Variants in SLC26A7 observed in about 807,000 individuals in gnomAD.
SLC26A7 encodes anion exchange transporter.
A neutral mutation model predicts 82.5 loss-of-function variants in SLC26A7; 59 were observed. The ratio of observed to expected loss-of-function variants is 0.72; its 90% CI spans 0.58 to 0.89. The LOEUF (loss-of-function observed/expected upper bound fraction) is 0.89. SLC26A7 is among the 40% of genes least tolerant of loss of function. The pLI, the probability that SLC26A7 is intolerant of heterozygous loss-of-function variation, is 0.00. For missense variants in SLC26A7, 820 were observed against 793.0 expected (o/e 1.03, Z -0.41); for synonymous variants, 271 against 274.3 (o/e 0.99, Z 0.12).
chr8:91,299,370 T>A (rs1812100183), intron 4 of SLC26A7, among the ~76,000 whole-genome samples: 1 of 152,044 alleles, frequency 6.6e-6, no homozygotes. Flanking sequence ...TTTTCAACAC[T>A]GAGTTTATGG....
intron 2 of SLC26A7, among the ~76,000 whole-genome samples, chr8:91,237,046 A>T (rs565455059): frequency 6.6e-6 from 1 of 152,340 alleles, no homozygotes; most frequent in South Asian, 2.1e-4. Flanking sequence ...ACCCAATTTG[A>T]CTGTTACTAC....
chr8:91,394,219 C>T, intron 18 of SLC26A7, 180 bp downstream of exon 18: 1 of 1,613,174 alleles, frequency 6.2e-7, no homozygotes, highest in South Asian at 1.1e-5. Flanking sequence ...TTTTTTTAGG[C>T]CAGTTATAAA....
intron 6 of SLC26A7, 30 bp from the exon 7 acceptor site, chr8:91,338,120 T>G (rs765082592): frequency 1.3e-6 from 2 of 1,557,012 alleles, no homozygotes; most frequent in African/African-American, 1.4e-5. Context: ...AATGTATATA[T>G]TTTTTCTTTT....
At chr8:91,371,790 T>C (rs1814370369) in intron 15 of SLC26A7, among the ~76,000 whole-genome samples, 1 of 151,976 alleles carries the variant, frequency 6.6e-6, no homozygotes, top group Non-Finnish European at 1.5e-5. Flanking sequence ...TTTTAGTTCT[T>C]TGAGAAATCT....
chr8:91,308,705 T>C (rs982439105), intron 4 of SLC26A7, among the ~76,000 whole-genome samples: 2 of 152,210 alleles, frequency 1.3e-5, no homozygotes, highest in African/African-American at 4.8e-5. Context: ...CCCCTATTTA[T>C]TTATTTAGTC....
chr8:91,336,618 G>T (rs1201199302), intron 6 of SLC26A7, among the ~76,000 whole-genome samples: 4 of 152,056 alleles, frequency 2.6e-5, no homozygotes, highest in African/African-American at 9.7e-5. Flanking sequence ...GTCACACCTG[G>T]GGTGCAATCC....
At position 91,295,647 on chromosome 8, in the gene SLC26A7, G is replaced by T; in HGVS notation, c.421G>T (p.Glu141Ter). 6.2e-7 allele frequency: 1 copy of T among 1,614,108 alleles called. No individual in the cohort carries two copies. Residue 141 changes from glutamate to a stop codon, truncating the protein, a stop_gained, in exon 4 of 19, where the codon GAA (glutamate) becomes TAA (stop). Coordinates refer to ENST00000276609, the MANE Select transcript of SLC26A7 (RefSeq NM_052832.4). LOFTEE classifies it high-confidence loss of function. ...NTSVLGLSDF[E>*]MQRIHVAAAV... Reference sequence around the variant, plus strand: ...AAGCGTGCTGGGCTTATCCGACTTTGAAATGCAAAGGATCCACGTTGCTGC... The same window carrying T: ...AAGCGTGCTGGGCTTATCCGACTTTTAAATGCAAAGGATCCACGTTGCTGC...
At chr8:91,366,550 A>G (rs1459117192) in intron 13 of SLC26A7, 30 bp from the exon 14 acceptor site, 2 of 1,600,876 alleles carry the variant, frequency 1.2e-6, no homozygotes, top group African/African-American at 2.7e-5. Flanking sequence ...TTCTATTTAG[A>G]GTTCTGAATC....
At chr8:91,347,498 A>G (rs552146265) in intron 9 of SLC26A7, among the ~76,000 whole-genome samples, 3 of 152,196 alleles carry the variant, frequency 2.0e-5, no homozygotes, top group Non-Finnish European at 4.4e-5. Flanking sequence ...ATATTTTAAC[A>G]TTATTTTCTT....
rs1462582400 is a variant in SLC26A7 at position 91,395,732 on chromosome 8, T to C, written c.*635T>C. ...TGTTTTCATAATCGAAAGAAACGGG[T>C]ATCCAAATAAAACCAAGTTCTTGAC... On this transcript the variant is annotated 3_prime_UTR_variant, in exon 19 of 19. Coordinates refer to ENST00000276609, the MANE Select transcript of SLC26A7 (RefSeq NM_052832.4). 3 of 152,116 alleles carry C rather than the reference T, an allele frequency of 2.0e-5. No individual in the cohort carries two copies. The highest frequency in any genetic ancestry group is 4.8e-5 in the African/African-American group (2 of 41,434). 9.4% of individuals were successfully genotyped at this position (152,116 alleles called of 1,614,324 possible).
At chr8:91,287,852 C>G (rs1308392389) in intron 2 of SLC26A7, among the ~76,000 whole-genome samples, 1 of 152,162 alleles carries the variant, frequency 6.6e-6, no homozygotes, top group Non-Finnish European at 1.5e-5. Context: ...AGACCTGCCC[C>G]TTAACACCAT....
chr8:91,235,360 C>T (rs1810380256), intron 2 of SLC26A7, among the ~76,000 whole-genome samples: 1 of 152,090 alleles, frequency 6.6e-6, no homozygotes, highest in African/African-American at 2.4e-5. Context: ...ACTGGAGGTA[C>T]ATTCTCACTC....
At chr8:91,383,344 G>A (rs1814714805) in intron 15 of SLC26A7, among the ~76,000 whole-genome samples, 1 of 152,092 alleles carries the variant, frequency 6.6e-6, no homozygotes, top group African/African-American at 2.4e-5. Flanking sequence ...AGTGAGTTTA[G>A]GTAGGACAAT....
intron 2 of SLC26A7, among the ~76,000 whole-genome samples, chr8:91,257,729 G>C (rs568696218): frequency 2.0e-4 from 31 of 151,854 alleles, no homozygotes; most frequent in African/African-American, 7.5e-4. Flanking sequence ...TTTTATTTTA[G>C]GTTTGGAGGT....
intron 2 of SLC26A7, among the ~76,000 whole-genome samples, chr8:91,285,204 A>T (rs1811676864): frequency 6.6e-6 from 1 of 152,218 alleles, no homozygotes; most frequent in Non-Finnish European, 1.5e-5. Flanking sequence ...ACACGCCTTC[A>T]TTTTCACGTG....
intron 11 of SLC26A7, among the ~76,000 whole-genome samples, chr8:91,356,989 T>G (rs1386342808): frequency 6.6e-6 from 1 of 152,172 alleles, no homozygotes; most frequent in East Asian, 1.9e-4. Context: ...TCACTGGAGA[T>G]CTCATGCTGT....
At chr8:91,362,707 A>C (rs952613455) in intron 12 of SLC26A7, among the ~76,000 whole-genome samples, 8 of 151,984 alleles carry the variant, frequency 5.3e-5, no homozygotes, top group Admixed American at 5.2e-4. Flanking sequence ...GAATATATAA[A>C]CTCTTAAAAT....
At position 91,369,786 on chromosome 8, in the gene SLC26A7, G is replaced by A. The variant is rs780772579; in HGVS notation, c.1628G>A (p.Cys543Tyr). The change falls in exon 15 of 19, where the codon TGT becomes TAT. Residue 543 changes from cysteine to tyrosine, a missense_variant and splice_region_variant. By Grantham distance (194) the Cys-to-Tyr change is radical (BLOSUM62 -2). Coordinates refer to ENST00000276609, the MANE Select transcript of SLC26A7 (RefSeq NM_052832.4). ...TCTTTATGTTTGTTTTTATTTTAGT[G>A]TGAACAAAACACATTGCTTAATTCC... ...CNQPLDDISK[C>Y]EQNTLLNSLS... 4 of 1,579,666 alleles carry A rather than the reference G, an allele frequency of 2.5e-6. No individual in the cohort carries two copies. The South Asian group carries it at 3.6e-5, about 14-fold the overall frequency.
chr8:91,363,657 G>GTA, intron 13 of SLC26A7, 119 bp downstream of exon 13: 1 of 542,904 alleles, frequency 1.8e-6, no homozygotes, highest in Admixed American at 3.8e-5. Context: ...TTTTTAATTA[G>GTA]TATAAACTTC....
Sources: allele counts gnomAD v4.1 joint callset (sites outside exome capture counted in the v4.1 genomes callset), GRCh38; gene constraint gnomAD v4.1.1; transcripts MANE v1.5; gene names NCBI Gene and HGNC (gene_info 2026-07-23, HGNC 2026-07-21).